The following USH2A variants were observed in gnomAD, a reference collection of about 807,000 sequenced individuals.
USH2A encodes usherin.
In USH2A, 443 loss-of-function variants were observed where a neutral mutation model predicts 538.9. The ratio of observed to expected loss-of-function variants is 0.82; its 90% CI spans 0.76 to 0.89. The LOEUF (loss-of-function observed/expected upper bound fraction) is 0.89, where lower values mean the gene tolerates loss of function less well. Ranked by LOEUF, USH2A falls within the 40% of genes least tolerant of loss-of-function variation. The probability of loss-of-function intolerance (pLI) is 0.00; values close to 1 mark genes in which losing one functional copy is unlikely to be tolerated. For missense variants in USH2A, 6,633 were observed against 6,324.8 expected, an observed-to-expected ratio of 1.05 and a Z score of -1.65; for synonymous variants, 2,413 against 2,273.5, an observed-to-expected ratio of 1.06 and a Z score of -1.75.
intron 32 of USH2A, among the ~76,000 whole-genome samples, chr1:216,003,889 G>A (rs183197935): frequency 3.6e-4 from 55 of 152,272 alleles, no homozygotes; most frequent in Non-Finnish European, 6.2e-4. Context: ...ACATCTCACT[G>A]AAGAGGCTAT....
At chr1:216,100,014 G>C (rs900751255) in intron 21 of USH2A, among the ~76,000 whole-genome samples, 2 of 151,874 alleles carry the variant, frequency 1.3e-5, no homozygotes, top group Non-Finnish European at 2.9e-5. Context: ...TTTCAGAAAA[G>C]AAAAAAACAA....
intron 55 of USH2A, among the ~76,000 whole-genome samples, chr1:215,779,428 T>C (rs969570259): frequency 6.6e-6 from 1 of 152,216 alleles, no homozygotes; most frequent in Admixed American, 6.5e-5. Flanking sequence ...CAACTAGTCC[T>C]GTGTATTAAT....
chr1:216,178,276 G>A lies in USH2A; in HGVS notation c.4397-2794C>T, dbSNP rs534159995. Among the ~76,000 whole-genome samples, 5 of 152,238 alleles carry A rather than the reference G, an allele frequency of 3.3e-5. No homozygotes were observed. In the South Asian group the frequency reaches 8.3e-4, roughly 25 times the overall value. ...TGATATTTTATTTTTATATATGTAT[G>A]AATCTGTGAATTATATGCATAATTT... On this transcript the variant is annotated intron_variant, in intron 20 of 71. Transcript: ENST00000307340.
chr1:215,738,799 T>C (rs1245706209), intron 60 of USH2A, among the ~76,000 whole-genome samples: 1 of 152,100 alleles, frequency 6.6e-6, no homozygotes, highest in Non-Finnish European at 1.5e-5. Flanking sequence ...TTGGTGCCGA[T>C]AGAAGAAAGA....
chr1:215,884,743 T>C (rs1665004204), intron 41 of USH2A, among the ~76,000 whole-genome samples: 1 of 152,222 alleles, frequency 6.6e-6, no homozygotes, highest in Admixed American at 6.5e-5. Flanking sequence ...TCAACTTCTT[T>C]TACTTTGCTT....
chr1:215,861,844 T>G (rs1381187677), intron 44 of USH2A, among the ~76,000 whole-genome samples: 1 of 118,856 alleles, frequency 8.4e-6, no homozygotes, highest in Non-Finnish European at 1.8e-5. Context: ...TTCGCTTTTT[T>G]TTTTTTTTTT....
At chr1:215,928,771 A>C (rs182702062) in intron 38 of USH2A, among the ~76,000 whole-genome samples, 1 of 152,234 alleles carries the variant, frequency 6.6e-6, no homozygotes, top group Non-Finnish European at 1.5e-5. Context: ...AATAATACAG[A>C]ATGGTTGTTT....
At chr1:216,174,678 T>C in intron 21 of USH2A, 1 of 986,744 alleles carries the variant, frequency 1.0e-6, no homozygotes, top group Non-Finnish European at 1.2e-6. Context: ...AGAGAAGTTA[T>C]CTTTTCCCTG....
Position 215,648,616 on chromosome 1 carries a change from G to T in USH2A, c.14494C>A (p.Leu4832Met). ...LRTHPAPPSG[L>M]SSPQIGTLAS... ...AGCGTCCCGATTTGTGGAGAGGACA[G>T]TCCTGAGGGTGGGGCAGGATGGGTT... Residue 4832 changes from leucine to methionine, a missense_variant, in exon 66 of 72, where the codon CTG (leucine) becomes ATG (methionine). Physicochemically the swap from Leu to Met is conservative, Grantham distance 15. Coordinates refer to ENST00000307340, the MANE Select transcript of USH2A (RefSeq NM_206933.4). 1 of 1,614,254 alleles carries T rather than the reference G, an allele frequency of 6.2e-7. No homozygotes were observed. The highest frequency in any genetic ancestry group is 8.5e-7 in the Non-Finnish European group (1 of 1,180,036).
intron 61 of USH2A, among the ~76,000 whole-genome samples, chr1:215,692,171 A>AT (rs1257212599): frequency 6.6e-6 from 1 of 152,160 alleles, no homozygotes; most frequent in Non-Finnish European, 1.5e-5. Context: ...AATCGTCTTG[A>AT]TATGAGCCTT....
chr1:215,766,644 A>G (rs1193572813), intron 56 of USH2A, 37 bp downstream of exon 56: 2 of 1,581,894 alleles, frequency 1.3e-6, no homozygotes, highest in African/African-American at 2.7e-5. Flanking sequence ...GCTATGTGAA[A>G]ATTTCTTCCC....
intron 69 of USH2A, among the ~76,000 whole-genome samples, chr1:215,636,467 G>T (rs1263783832): frequency 1.3e-5 from 2 of 152,192 alleles, no homozygotes; most frequent in African/African-American, 4.8e-5. Flanking sequence ...CCAGCAGGTC[G>T]AAATTCCCCT....
chr1:215,912,482 T>C (rs1665822198), intron 38 of USH2A, among the ~76,000 whole-genome samples: 1 of 17,644 alleles, frequency 5.7e-5, no homozygotes, highest in African/African-American at 2.4e-4. Context: ...TATACGTATA[T>C]ATATATATGT....
Position 216,096,127 on chromosome 1 carries a change from A to C in USH2A, c.4758+956T>G, listed in dbSNP as rs1476401541. Among the ~76,000 whole-genome samples the C allele has an allele frequency of 2.0e-5, 3 of 152,144 alleles. No individual in the cohort carries two copies. In the East Asian group the frequency reaches 5.8e-4, roughly 29 times the overall value. ...GAAGACAACTGTTCAGTGCTTTCTC[A>C]CTGCCCTTAGGAAAAATTCATATCC... On this transcript the variant is annotated intron_variant, in intron 22 of 71. Coordinates refer to ENST00000307340, the MANE Select transcript of USH2A (RefSeq NM_206933.4).
chr1:215,779,885 T>C lies in USH2A; in HGVS notation c.10897A>G (p.Ile3633Val). 1 of 1,614,066 alleles carries C rather than the reference T, an allele frequency of 6.2e-7. No homozygotes were observed. Among genetic ancestry groups the C allele is most frequent in the Non-Finnish European group, 8.5e-7 (1 of 1,179,964 alleles). Residue 3633 changes from isoleucine to valine, a missense_variant, in exon 55 of 72, where the codon ATC becomes GTC. By Grantham distance (29) the Ile-to-Val change is conservative. Transcript: ENST00000307340. ...CTCCTGTCAGTGGTGTCAGTGTGGATGAGACCTTTCCCAACCTGCCTGATC... is the reference window on the plus strand; with the variant it reads ...CTCCTGTCAGTGGTGTCAGTGTGGACGAGACCTTTCCCAACCTGCCTGATC... ...YQIRQVGKGL[I>V]HTDTTDRRQH...
Position 216,376,478 on chromosome 1 carries a change from T to A in USH2A, c.652-11393A>T, listed in dbSNP as rs570464933. On this transcript the variant is annotated intron_variant, in intron 3 of 71. Transcript: ENST00000307340. Reference sequence around the variant, plus strand: ...CAAGCCTTCTATTGATCCTGATAAATCCCTATTCTTTCAAATATTCTTTTC... The same window carrying A: ...CAAGCCTTCTATTGATCCTGATAAAACCCTATTCTTTCAAATATTCTTTTC... Among the ~76,000 whole-genome samples the A allele has an allele frequency of 1.0e-4, 10 of 97,518 alleles. No homozygotes were observed. In the Admixed American group the frequency reaches 1.1e-3, roughly 11 times the overall value. 64.0% of individuals were successfully genotyped at this position (97,518 alleles called of 152,430 possible).
At chr1:216,110,952 A>G (rs1291077280) in intron 21 of USH2A, among the ~76,000 whole-genome samples, 1 of 152,176 alleles carries the variant, frequency 6.6e-6, no homozygotes, top group Non-Finnish European at 1.5e-5. Context: ...CTGGCCGGGC[A>G]TGGTGGCTCA....
At chr1:215,659,948 C>T (rs1250667046) in intron 64 of USH2A, among the ~76,000 whole-genome samples, 1 of 152,180 alleles carries the variant, frequency 6.6e-6, no homozygotes, top group Non-Finnish European at 1.5e-5. Flanking sequence ...GAAATAACAA[C>T]ATCTATCCCA....
chr1:216,245,838 C>T (rs2036030123), intron 13 of USH2A, among the ~76,000 whole-genome samples: 1 of 152,126 alleles, frequency 6.6e-6, no homozygotes, highest in African/African-American at 2.4e-5. Flanking sequence ...GAGTTGGTAT[C>T]ATGCTCATTT....
Sources: gnomAD v4.1 joint callset for allele counts (sites outside exome capture counted in the v4.1 genomes callset) on GRCh38, gnomAD v4.1.1 for gene constraint, MANE v1.5 for transcripts, NCBI Gene and HGNC (gene_info 2026-07-23, HGNC 2026-07-21) for gene names.